Variants in AGAP1 observed in about 807,000 individuals in gnomAD.
AGAP1 encodes arf-GAP with GTPase, ANK repeat and PH domain-containing protein 1.
Under a neutral mutation model 105.3 loss-of-function variants are expected in AGAP1, and 29 were observed. That is an observed-to-expected ratio of 0.28 (90% CI 0.21 to 0.38). AGAP1 has a LOEUF of 0.38. Ranked by LOEUF, AGAP1 falls within the 10% of genes least tolerant of loss-of-function variation. The pLI is 1.00. For synonymous variants in AGAP1, 509 were observed against 485.9 expected (o/e 1.05, Z -0.63); for missense variants, 998 against 1,165.1 (o/e 0.86, Z 2.09).
chr2:236,015,843 C>G (rs1468984590), intron 13 of AGAP1, among the ~76,000 whole-genome samples: 1 of 152,072 alleles, frequency 6.6e-6, no homozygotes, highest in Non-Finnish European at 1.5e-5. Context: ...GTTTTCTGGG[C>G]TGTTGATTTT....
intron 1 of AGAP1, among the ~76,000 whole-genome samples, chr2:235,661,058 T>G (rs1023486634): frequency 1.6e-4 from 24 of 152,166 alleles, no homozygotes; most frequent in African/African-American, 5.8e-4. Flanking sequence ...ACCCTCAGAC[T>G]CTGATTGCAG....
At position 235,717,479 on chromosome 2, in the gene AGAP1, A is replaced by G. The variant is rs117183592; in HGVS notation, c.223-78A>G. The G allele has an allele frequency of 7.8e-4, 981 of 1,256,638 alleles. 13 individuals are homozygous for G. The East Asian group carries it at 0.016, about 21-fold the overall frequency. The allele number at this position is 1,256,638 out of a possible 1,614,324, so 77.8% of individuals were successfully genotyped here. ...ATGTTTGTGTTTAGGCCTCCTGTCT[A>G]TTTTAGCCTCTTAGTATTTGCAAAA... On this transcript the variant is annotated intron_variant, in intron 2 of 17. Coordinates refer to ENST00000304032, the MANE Select transcript of AGAP1 (RefSeq NM_001037131.3).
At chr2:235,775,729 A>C (rs554425511) in intron 6 of AGAP1, 2 of 152,334 alleles carry the variant, frequency 1.3e-5, no homozygotes, top group South Asian at 4.1e-4. Flanking sequence ...GCGGGGATGG[A>C]AGAGCCTTTA....
At chr2:235,684,737 T>C (rs1003120940) in intron 1 of AGAP1, among the ~76,000 whole-genome samples, 1 of 152,182 alleles carries the variant, frequency 6.6e-6, no homozygotes, top group African/African-American at 2.4e-5. Flanking sequence ...TTACCATCCA[T>C]GGCTGCTTGA....
At position 235,968,532 on chromosome 2, in the gene AGAP1, G is replaced by A. The variant is rs749854245; in HGVS notation, c.1554G>A (p.Pro518=). 19 of 1,466,656 alleles carry A rather than the reference G, an allele frequency of 1.3e-5. No homozygotes were observed. Among genetic ancestry groups the A allele is most frequent in the East Asian group, 5.1e-5 (2 of 38,928 alleles). 90.9% of individuals were successfully genotyped at this position (1,466,656 alleles called of 1,614,324 possible). ...ISSTTSPKLD[P]PPSPHANRKK... Reference sequence around the variant, plus strand: ...GCACCACCAGCCCCAAGCTCGACCCGCCCCCCTCCCCTCACGCCAACAGAA... The same window carrying A: ...GCACCACCAGCCCCAAGCTCGACCCACCCCCCTCCCCTCACGCCAACAGAA... Residue 518 remains proline, a synonymous_variant, in exon 13 of 18, where the codon CCG becomes CCA. Transcript: ENST00000304032.
chr2:235,557,300 C>T lies in AGAP1; in HGVS notation c.163+62451C>T, dbSNP rs1944005432. ...AGAGCCCGGCTCTTTCATGGGATCA[C>T]AGTTTGTTCACCTTGGAAGCTGTTG... On this transcript the variant is annotated intron_variant, in intron 1 of 17. Transcript: ENST00000304032. This position sits in a 1 kb window ranked among gnomAD's most constrained non-coding sequence, Gnocchi z 4.7. Among the ~76,000 whole-genome samples, 1 of 152,086 alleles carries T rather than the reference C, an allele frequency of 6.6e-6. No homozygotes were observed. The highest frequency in any genetic ancestry group is 2.4e-5 in the African/African-American group (1 of 41,404).
At chr2:235,938,102 C>T (rs1047192214) in intron 12 of AGAP1, among the ~76,000 whole-genome samples, 5 of 152,252 alleles carry the variant, frequency 3.3e-5, no homozygotes, top group Admixed American at 6.5e-5. Flanking sequence ...GCGGCACGGC[C>T]GGTTCAGCGG....
Position 235,662,643 on chromosome 2 carries a change from AT to A in AGAP1, c.164-46534del, listed in dbSNP as rs1371790394. Among the ~76,000 whole-genome samples the A allele has an allele frequency of 6.6e-6, 1 of 150,898 alleles. No homozygotes were observed. Among genetic ancestry groups the A allele is most frequent in the East Asian group, 2.0e-4 (1 of 5,076 alleles). On this transcript the variant is annotated intron_variant, in intron 1 of 17. Coordinates refer to ENST00000304032, the MANE Select transcript of AGAP1 (RefSeq NM_001037131.3). The surrounding 1 kb of genome is among the most constrained non-coding windows in gnomAD (Gnocchi z 4.2). ...TGCCTCAGCCTCCCAAGTAGCTGGG[AT>A]TACAGGTGTGTGCCACCACACCTGG...
rs1044625144 is a variant in AGAP1, at chr2:235,559,597, G to A, written c.163+64748G>A. ...TGATCCCTCATCCAGATCCCCAGAC[G>A]TGACCACTGTTATGTGGTTATATGT... is the stretch of plus-strand genomic sequence containing the variant. On this transcript the variant is annotated intron_variant, in intron 1 of 17. Transcript: ENST00000304032. The surrounding 1 kb of genome is among the most constrained non-coding windows in gnomAD (Gnocchi z 5.7). Among the ~76,000 whole-genome samples the A allele has an allele frequency of 1.9e-4, 29 of 152,148 alleles. No individual in the cohort carries two copies. Among genetic ancestry groups the A allele is most frequent in the African/African-American group, 7.0e-4 (29 of 41,426 alleles).
intron 7 of AGAP1, among the ~76,000 whole-genome samples, chr2:235,798,738 G>T (rs1243049046): frequency 6.6e-6 from 1 of 152,004 alleles, no homozygotes; most frequent in Non-Finnish European, 1.5e-5. Context: ...AGAAAAATTA[G>T]CTGGGCGTGG....
intron 9 of AGAP1, among the ~76,000 whole-genome samples, chr2:235,822,927 G>A (rs1218105566): frequency 2.6e-5 from 4 of 152,208 alleles, no homozygotes; most frequent in African/African-American, 9.6e-5. Flanking sequence ...TTCAGGCCAT[G>A]CCAATATGTT....
In AGAP1 at chr2:235,807,242, C is replaced by A. The variant is rs769367969; in HGVS notation, c.961C>A (p.Arg321=). The change falls in exon 9 of 18, where the codon CGG becomes AGG. Residue 321 remains arginine, a synonymous_variant. Coordinates refer to ENST00000304032, the MANE Select transcript of AGAP1 (RefSeq NM_001037131.3). ...SKRRSNLFTS[R]KGSDPDKEKK... is the part of the protein sequence containing the mutation. The stretch of plus-strand genomic sequence containing the variant: ...CAACTTTCCTTTTGCTTTGCAGTCT[C>A]GGAAAGGGAGCGACCCAGACAAAGA... 1.2e-6 allele frequency: 2 copies of A among 1,610,682 alleles called. No individual in the cohort carries two copies. The highest frequency in any genetic ancestry group is 1.7e-5 in the Admixed American group (1 of 58,840).
chr2:235,498,047 A>G (rs1031386994), intron 1 of AGAP1, among the ~76,000 whole-genome samples: 40 of 151,922 alleles, frequency 2.6e-4, no homozygotes, highest in Non-Finnish European at 4.7e-4. Context: ...AGCCTTGTCC[A>G]GGGGAAGGAT....
At position 236,084,975 on chromosome 2, in the gene AGAP1, G is replaced by A. The variant is rs186221915; in HGVS notation, c.2115-35217G>A. Among the ~76,000 whole-genome samples, 779 of 152,066 alleles carry A rather than the reference G, an allele frequency of 5.1e-3. 6 individuals carry two copies. The highest frequency in any genetic ancestry group is 0.018 in the African/African-American group (738 of 41,462). ...CACGCCTGTAATCCCAGCACTTTGG[G>A]AGGCCAAGGTGGATGGATCACAAGC... On this transcript the variant is annotated intron_variant, in intron 16 of 17. Coordinates refer to ENST00000304032, the MANE Select transcript of AGAP1 (RefSeq NM_001037131.3).
At chr2:236,112,470 G>T (rs909207382) in intron 16 of AGAP1, among the ~76,000 whole-genome samples, 1 of 151,244 alleles carries the variant, frequency 6.6e-6, no homozygotes, top group Non-Finnish European at 1.5e-5. Flanking sequence ...ACCCTGACTT[G>T]CACATTTTCT....
At position 235,555,873 on chromosome 2, in the gene AGAP1, C is replaced by CATTG. The variant is rs1246834058; in HGVS notation, c.163+61029_163+61032dup. Among the ~76,000 whole-genome samples the CATTG allele has an allele frequency of 6.6e-6, 1 of 152,114 alleles. No homozygotes were observed. The highest frequency in any genetic ancestry group is 1.5e-5 in the Non-Finnish European group (1 of 68,026). ...CCTGAGTTTGCAGGTTTGTGCAGGG[C>CATTG]ATTGATTGGTTGGTTGGTTGATTGG... is the stretch of plus-strand genomic sequence containing the variant. On this transcript the variant is annotated intron_variant, in intron 1 of 17. Transcript: ENST00000304032. The surrounding 1 kb of genome is among the most constrained non-coding windows in gnomAD (Gnocchi z 5.1).
At position 235,977,641 on chromosome 2, in the gene AGAP1, T is replaced by C. The variant is rs564064464; in HGVS notation, c.1645+9018T>C. ...TGCCCGGGGGTTATATTTTCAGATGTTCTAGCTGAGCTCGCTTTGTCTTTC... is the reference window on the plus strand; with the variant it reads ...TGCCCGGGGGTTATATTTTCAGATGCTCTAGCTGAGCTCGCTTTGTCTTTC... On this transcript the variant is annotated intron_variant, in intron 13 of 17. Transcript: ENST00000304032. The surrounding 1 kb of genome is among the most constrained non-coding windows in gnomAD (Gnocchi z 5.2). Among the ~76,000 whole-genome samples the C allele has an allele frequency of 6.6e-6, 1 of 152,278 alleles. No homozygotes were observed. The highest frequency in any genetic ancestry group is 2.1e-4 in the South Asian group (1 of 4,818).
intron 1 of AGAP1, chr2:235,524,563 A>G (rs1002865953): frequency 5.0e-6 from 1 of 200,240 alleles, no homozygotes; most frequent in African/African-American, 2.4e-5. Flanking sequence ...CCACCCCACT[A>G]CTGCCCGCCC....
At chr2:235,945,434 G>A (rs1441594799) in intron 12 of AGAP1, among the ~76,000 whole-genome samples, 1 of 152,190 alleles carries the variant, frequency 6.6e-6, no homozygotes, top group Middle Eastern at 3.2e-3. Context: ...ATTAAATGGA[G>A]GCCACAGTGC....
Sources: allele counts gnomAD v4.1 joint callset (sites outside exome capture counted in the v4.1 genomes callset), GRCh38; gene constraint gnomAD v4.1.1; non-coding constraint Gnocchi (gnomAD v3.1); transcripts MANE v1.5; gene names NCBI Gene and HGNC (gene_info 2026-07-23, HGNC 2026-07-21).